The following CADM2 variants were observed in gnomAD, a reference collection of about 807,000 sequenced individuals.
CADM2 encodes the protein immunoglobulin superfamily member 4D.
A neutral mutation model predicts 49.8 loss-of-function variants in CADM2; 12 were observed. The ratio of observed to expected loss-of-function variants is 0.24; its 90% CI spans 0.15 to 0.39. The LOEUF is 0.39. Among genes scored for constraint, CADM2 ranks in the 10% least tolerant of loss-of-function variants. CADM2 has a pLI of 1.00. For synonymous variants in CADM2, 214 were observed against 175.4 expected (o/e 1.22, Z -1.74); for missense variants, 378 against 492.3 (o/e 0.77, Z 2.20).
chr3:85,924,143 C>CA (rs1485979871), intron 6 of CADM2, among the ~76,000 whole-genome samples: 1 of 151,966 alleles, frequency 6.6e-6, no homozygotes, highest in African/African-American at 2.4e-5. Flanking sequence ...CAAGGTAAGC[C>CA]AATTTTTAAA....
At chr3:85,987,357 A>G (rs1728236144) in intron 8 of CADM2, among the ~76,000 whole-genome samples, 1 of 151,796 alleles carries the variant, frequency 6.6e-6, no homozygotes, top group African/African-American at 2.4e-5. Flanking sequence ...TCTTCATTCT[A>G]TTAGCTTTCA....
In CADM2 at chr3:86,066,949, A is replaced by G; in HGVS notation, c.*166A>G. 1 of 620,144 alleles carries G rather than the reference A, an allele frequency of 1.6e-6. No individual in the cohort carries two copies. Among genetic ancestry groups the G allele is most frequent in the Non-Finnish European group, 2.9e-6 (1 of 346,622 alleles). 38.4% of individuals were successfully genotyped at this position (620,144 alleles called of 1,614,324 possible). ...CCAACAATCAGCTGTTGAAAGCATC[A>G]TTCTTTAATTACTGTACCATCCATA... On this transcript the variant is annotated 3_prime_UTR_variant, in exon 10 of 10. Transcript: ENST00000383699.
chr3:85,086,580 T>G (rs1163832153), intron 1 of CADM2, among the ~76,000 whole-genome samples: 3 of 150,568 alleles, frequency 2.0e-5, no homozygotes, highest in African/African-American at 7.4e-5. Flanking sequence ...GGTGTGATCT[T>G]GGCTCACGGC....
intron 7 of CADM2, among the ~76,000 whole-genome samples, chr3:85,941,521 G>A (rs1261364243): frequency 6.6e-6 from 1 of 152,070 alleles, no homozygotes; most frequent in Non-Finnish European, 1.5e-5. Context: ...AAGAGAGGCA[G>A]TGTCATGAAC....
chr3:85,875,740 A>G (rs1182289097), intron 3 of CADM2, among the ~76,000 whole-genome samples: 1 of 152,202 alleles, frequency 6.6e-6, no homozygotes, highest in Non-Finnish European at 1.5e-5. Context: ...GCACAGGACT[A>G]AGTGGACAAT....
chr3:85,945,683 G>A (rs1722590767), intron 7 of CADM2, among the ~76,000 whole-genome samples: 2 of 152,078 alleles, frequency 1.3e-5, no homozygotes, highest in African/African-American at 4.8e-5. Context: ...AAAACCACGT[G>A]ATTATCTCAA....
intron 1 of CADM2, among the ~76,000 whole-genome samples, chr3:85,042,481 CT>C (rs148005023): frequency 2.6e-5 from 4 of 151,762 alleles, no homozygotes; most frequent in Non-Finnish European, 5.9e-5. Context: ...TTCCACTCTG[CT>C]TTTTTCTTTT....
intron 8 of CADM2, among the ~76,000 whole-genome samples, chr3:86,011,401 G>A (rs549276772): frequency 6.6e-6 from 1 of 151,980 alleles, no homozygotes; most frequent in East Asian, 1.9e-4. Context: ...CATCTTAATA[G>A]ATATTAAGTA....
chr3:85,597,375 T>A (rs1947221), intron 1 of CADM2, among the ~76,000 whole-genome samples: 78,004 of 151,878 alleles, frequency 0.51, 23,054 homozygotes, highest in East Asian at 0.85. Context: ...CTAGATAGAT[T>A]CATATCTTAA....
At chr3:85,005,318 T>C (rs1040804000) in intron 1 of CADM2, among the ~76,000 whole-genome samples, 4 of 152,018 alleles carry the variant, frequency 2.6e-5, no homozygotes, top group Admixed American at 6.6e-5. Context: ...ATAAAACTTA[T>C]TTATAAAAAG....
chr3:84,991,753 G>A (rs887152519), intron 1 of CADM2, among the ~76,000 whole-genome samples: 6 of 152,176 alleles, frequency 3.9e-5, no homozygotes, highest in South Asian at 2.1e-4. Flanking sequence ...TAATCAAAAT[G>A]TCTTTTAGTG....
At chr3:85,668,950 A>C (rs1337384655) in intron 1 of CADM2, among the ~76,000 whole-genome samples, 2 of 152,096 alleles carry the variant, frequency 1.3e-5, no homozygotes. Context: ...CATATGCCTA[A>C]CTCATCTTTT....
chr3:85,784,063 CTA>C (rs537930850), intron 2 of CADM2, among the ~76,000 whole-genome samples: 210 of 152,264 alleles, frequency 1.4e-3, no homozygotes, highest in South Asian at 3.1e-3. Context: ...TGCATGCACG[CTA>C]TCTCACACAC....
chr3:85,947,504 T>C (rs1157464111), intron 7 of CADM2, among the ~76,000 whole-genome samples: 1 of 151,484 alleles, frequency 6.6e-6, no homozygotes, highest in Non-Finnish European at 1.5e-5. Context: ...TTCCAAAATG[T>C]CTTCAAAGAT....
chr3:85,820,718 G>A (rs1265241765), intron 3 of CADM2, among the ~76,000 whole-genome samples: 2 of 152,080 alleles, frequency 1.3e-5, no homozygotes, highest in Non-Finnish European at 2.9e-5. Flanking sequence ...TTGGGTATAT[G>A]AGTCTGGAGT....
In CADM2 at chr3:85,358,080, A is replaced by T. The variant is rs561735064; in HGVS notation, c.62-368442A>T. Among the ~76,000 whole-genome samples the T allele has an allele frequency of 3.3e-5, 5 of 152,234 alleles. No individual in the cohort carries two copies. The East Asian group carries it at 7.7e-4, about 24-fold the overall frequency. Reference sequence around the variant, plus strand: ...GTGCCATTGACATTTTGGCAGGAATATTCTTTGTTGTGGGAGACCAGCCTA... The same window carrying T: ...GTGCCATTGACATTTTGGCAGGAATTTTCTTTGTTGTGGGAGACCAGCCTA... On this transcript the variant is annotated intron_variant, in intron 1 of 9. Coordinates refer to ENST00000383699, the MANE Select transcript of CADM2 (RefSeq NM_001167675.2).
intron 1 of CADM2, among the ~76,000 whole-genome samples, chr3:85,390,992 T>G (rs1388496389): frequency 6.6e-6 from 1 of 152,020 alleles, no homozygotes; most frequent in Non-Finnish European, 1.5e-5. Flanking sequence ...TATTCCTAGG[T>G]GCATCTAGAC....
At chr3:85,392,838 G>T (rs188271251) in intron 1 of CADM2, among the ~76,000 whole-genome samples, 66 of 152,102 alleles carry the variant, frequency 4.3e-4, no homozygotes, top group African/African-American at 1.5e-3. Flanking sequence ...TTCCTCACCT[G>T]TACATTTGTA....
intron 6 of CADM2, among the ~76,000 whole-genome samples, chr3:85,920,081 C>T (rs2108501227): frequency 6.6e-6 from 1 of 151,896 alleles, no homozygotes; most frequent in Middle Eastern, 3.4e-3. Flanking sequence ...TTTTAAATTG[C>T]CCTATGTTAG....
Sources: allele counts gnomAD v4.1 joint callset (sites outside exome capture counted in the v4.1 genomes callset), GRCh38; gene constraint gnomAD v4.1.1; transcripts MANE v1.5; gene names NCBI Gene and HGNC (gene_info 2026-07-23, HGNC 2026-07-21).